Variants in KCNT1 observed in about 807,000 individuals in gnomAD.
KCNT1 encodes potassium sodium-activated channel subfamily T member 1.
KCNT1 carries 78 observed loss-of-function variants against 147.8 expected under a neutral mutation model. That is an observed-to-expected ratio of 0.53 (90% CI 0.44 to 0.64). The LOEUF is 0.64. Ranked by LOEUF, KCNT1 falls within the 30% of genes least tolerant of loss-of-function variation. The probability of loss-of-function intolerance (pLI) is 0.00; values close to 1 mark genes in which losing one functional copy is unlikely to be tolerated. For synonymous variants in KCNT1, 867 were observed against 748.8 expected, an observed-to-expected ratio of 1.16 and a Z score of -2.58; for missense variants, 1,419 against 1,750.3, an observed-to-expected ratio of 0.81 and a Z score of 3.38.
intron 4 of KCNT1, among the ~76,000 whole-genome samples, chr9:135,751,645 G>A (rs781378427): frequency 1.1e-4 from 17 of 152,204 alleles, no homozygotes; most frequent in Non-Finnish European, 1.6e-4. Context: ...TTGCTGCTTC[G>A]AGAAGTGGCG....
chr9:135,759,635 C>A lies in KCNT1; in HGVS notation c.855-44C>A, dbSNP rs546931245. On this transcript the variant is annotated intron_variant, in intron 10 of 30. Transcript: ENST00000371757. ...GGATCTCTGAGGGGCCACGGCCCCC[C>A]AGCTCCTGGGCCCCAGGCCGCCCCT... 2.6e-6 allele frequency: 4 copies of A among 1,551,128 alleles called. No individual in the cohort carries two copies. In the Admixed American group the frequency reaches 5.7e-5, roughly 22 times the overall value.
chr9:135,777,586 C>T, intron 21 of KCNT1, 76 bp downstream of exon 21: 6 of 1,388,644 alleles, frequency 4.3e-6, no homozygotes, highest in Admixed American at 4.1e-5. Context: ...CCCAACTGGG[C>T]CCACCCTTCG....
chr9:135,782,230 CTA>C (rs1225669796), intron 24 of KCNT1, among the ~76,000 whole-genome samples: 1 of 152,150 alleles, frequency 6.6e-6, no homozygotes, highest in Non-Finnish European at 1.5e-5. Flanking sequence ...AAAAATGAAA[CTA>C]TTATTAAGGA....
chr9:135,725,051 G>GT (rs1295350971), intron 2 of KCNT1, among the ~76,000 whole-genome samples: 5 of 152,212 alleles, frequency 3.3e-5, no homozygotes, highest in Non-Finnish European at 7.4e-5. Context: ...AGGCAACTGC[G>GT]TGGGGGGGCG....
At chr9:135,784,931 T>C in intron 27 of KCNT1, 42 bp downstream of exon 27, 3 of 1,598,972 alleles carry the variant, frequency 1.9e-6, no homozygotes, top group Non-Finnish European at 2.6e-6. Context: ...GCAGCCCCTG[T>C]CCTGTGTGAC....
At chr9:135,780,555 C>G (rs1833537120) in intron 24 of KCNT1, among the ~76,000 whole-genome samples, 1 of 152,224 alleles carries the variant, frequency 6.6e-6, no homozygotes, top group African/African-American at 2.4e-5. Context: ...GGAGGCCGGG[C>G]TGGGCAGCCA....
intron 1 of KCNT1, among the ~76,000 whole-genome samples, chr9:135,712,382 C>G (rs1835537728): frequency 6.6e-6 from 1 of 152,178 alleles, no homozygotes; most frequent in Non-Finnish European, 1.5e-5. Context: ...CCTTGGGGGT[C>G]CTAGATTTCC....
chr9:135,752,671 G>T lies in KCNT1; in HGVS notation c.435-1266G>T, dbSNP rs1831249909. Among the ~76,000 whole-genome samples, 2 of 145,640 alleles carry T rather than the reference G, an allele frequency of 1.4e-5. No individual in the cohort carries two copies. On this transcript the variant is annotated intron_variant, in intron 4 of 30. Transcript: ENST00000371757. This position sits in a 1 kb window ranked among gnomAD's most constrained non-coding sequence, Gnocchi z 5.1. ...GACGGATGGACGGATGGATGGAGTG[G>T]ATGGAGGGATGAGTGGATGGGTGGA...
chr9:135,709,191 G>A (rs1385435372), intron 1 of KCNT1, among the ~76,000 whole-genome samples: 1 of 152,200 alleles, frequency 6.6e-6, no homozygotes, highest in Non-Finnish European at 1.5e-5. Flanking sequence ...TTAGGGTTCT[G>A]TGGAAAGCGG....
chr9:135,779,849 G>A (rs1334925377), intron 24 of KCNT1, among the ~76,000 whole-genome samples: 1 of 152,260 alleles, frequency 6.6e-6, no homozygotes, highest in Non-Finnish European at 1.5e-5. Context: ...TTGGCCAGTA[G>A]CTCTTAGTAC....
At chr9:135,736,354 C>T (rs919636688) in intron 2 of KCNT1, among the ~76,000 whole-genome samples, 1 of 152,140 alleles carries the variant, frequency 6.6e-6, no homozygotes, top group Admixed American at 6.5e-5. Context: ...CTCGCGGCTC[C>T]TCCCCTCCCC....
chr9:135,773,539 C>G lies in KCNT1; in HGVS notation c.2243+590C>G, dbSNP rs778915354. ...ACCACAGCCCGTCCTGAGTTGTTGTCCTGGCCTAGGTTTGGGGCCAAGTCC... is the reference window on the plus strand; with the variant it reads ...ACCACAGCCCGTCCTGAGTTGTTGTGCTGGCCTAGGTTTGGGGCCAAGTCC... On this transcript the variant is annotated intron_variant, in intron 19 of 30. Coordinates refer to ENST00000371757, the MANE Select transcript of KCNT1 (RefSeq NM_020822.3). Among the ~76,000 whole-genome samples, 37 of 152,378 alleles carry G rather than the reference C, an allele frequency of 2.4e-4. No homozygotes were observed. The Middle Eastern group carries it at 0.017, about 70-fold the overall frequency.
intron 11 of KCNT1, among the ~76,000 whole-genome samples, chr9:135,761,357 C>G (rs529042588): frequency 2.6e-4 from 39 of 152,318 alleles, no homozygotes; most frequent in African/African-American, 9.1e-4. Context: ...CCTGCTCCCC[C>G]ACACCCTGCA....
intron 4 of KCNT1, among the ~76,000 whole-genome samples, chr9:135,751,600 GCTCT>G (rs1434989532): frequency 6.6e-6 from 1 of 152,206 alleles, no homozygotes; most frequent in Admixed American, 6.5e-5. Context: ...GTGGGAACTT[GCTCT>G]CTCTGAGTCC....
intron 24 of KCNT1, among the ~76,000 whole-genome samples, chr9:135,780,204 G>A (rs988949761): frequency 6.6e-6 from 1 of 152,240 alleles, no homozygotes; most frequent in African/African-American, 2.4e-5. Flanking sequence ...GGGGGCTGGT[G>A]CCCAGGCAGC....
intron 29 of KCNT1, among the ~76,000 whole-genome samples, chr9:135,788,645 T>G (rs1454207897): frequency 6.6e-6 from 1 of 152,130 alleles, no homozygotes; most frequent in Non-Finnish European, 1.5e-5. Flanking sequence ...CTGGGCTGGA[T>G]GCAGGGGTGG....
rs1264408316 is a variant in KCNT1 at position 135,770,279 on chromosome 9, GC to G, written c.1620-15del. On this transcript the variant is annotated intron_variant, in intron 16 of 30. Transcript: ENST00000371757. ...CATGGCCGAGGGTGACGCTCCCCTG[GC>G]CCCGCCCTGGCCCACAGGGAGGGAC... The G allele has an allele frequency of 6.3e-7, 1 of 1,576,138 alleles. No individual in the cohort carries two copies. The highest frequency in any genetic ancestry group is 8.6e-7 in the Non-Finnish European group (1 of 1,159,310).
chr9:135,727,233 TTC>T (rs139463969), intron 2 of KCNT1, among the ~76,000 whole-genome samples: 13,686 of 29,528 alleles, frequency 0.46, 3,859 homozygotes, highest in East Asian at 0.68. Flanking sequence ...CTCTTTCCCA[TTC>T]TCTCTCCCCC....
chr9:135,785,326 C>T lies in KCNT1; in HGVS notation c.3173C>T (p.Ala1058Val), dbSNP rs757774262. Residue 1058 changes from alanine (A) to valine (V), a missense_variant, in exon 28 of 31, where the codon GCC becomes GTC. By Grantham distance (64) the Ala-to-Val change is moderately conservative. This residue lies in a region of KCNT1 where 306 missense variants were observed against 294.2 expected (regional missense o/e 1.04). Coordinates refer to ENST00000371757, the MANE Select transcript of KCNT1 (RefSeq NM_020822.3). ...CCTTTGCAGCCCCACGACCTCAGAG[C>T]CCAGGTAAGCAACCCCTCCGTGCCC... The part of the protein sequence containing the change: ...FSTSEPHDLR[A>V]QSQISVNVED... The T allele has an allele frequency of 1.7e-5, 27 of 1,612,954 alleles. No homozygotes were observed. The highest frequency in any genetic ancestry group is 2.3e-5 in the Non-Finnish European group (27 of 1,179,966).
Sources: gnomAD v4.1 joint callset for allele counts (sites outside exome capture counted in the v4.1 genomes callset) on GRCh38, gnomAD v4.1.1 for gene constraint, gnomAD v4.1.1 regional missense constraint, Gnocchi (gnomAD v3.1) non-coding constraint, MANE v1.5 for transcripts, NCBI Gene and HGNC (gene_info 2026-07-23, HGNC 2026-07-21) for gene names.